Variants in FOXP4 observed in about 807,000 individuals in gnomAD.
FOXP4 encodes forkhead box P4.
FOXP4 carries 25 observed loss-of-function variants against 82.6 expected under a neutral mutation model. That is an observed-to-expected ratio of 0.30 (90% CI 0.22 to 0.42). The LOEUF (loss-of-function observed/expected upper bound fraction) is 0.42. Among genes scored for constraint, FOXP4 ranks in the 10% least tolerant of loss-of-function variants. The pLI is 1.00. For missense variants in FOXP4, 785 were observed against 900.9 expected (o/e 0.87, Z 1.65); for synonymous variants, 415 against 388.2 (o/e 1.07, Z -0.81).
At chr6:41,565,648 A>G in intron 1 of FOXP4, 97 bp from the exon 2 acceptor site, 1 of 1,115,570 alleles carries the variant, frequency 9.0e-7, no homozygotes. Context: ...ATGCCCAGCT[A>G]CTCCTGTGGC....
In FOXP4 at chr6:41,598,888, G is replaced by C. The variant is rs376696278; in HGVS notation, c.1995G>C (p.Pro665=). The stretch of plus-strand genomic sequence containing the variant: ...CTAACCCCAGCGCCTCGGGGCCTCC[G>C]GAAGACAGGGACCTGGAGGAGGAGC... ...GAPNPSASGP[P]EDRDLEEELP... Residue 665 remains proline (P), a synonymous_variant, in exon 17 of 17, where the codon CCG becomes CCC. Coordinates refer to ENST00000307972, the MANE Select transcript of FOXP4 (RefSeq NM_001012426.2). The C allele has an allele frequency of 3.7e-6, 6 of 1,606,150 alleles. No individual in the cohort carries two copies. In the South Asian group the frequency reaches 6.7e-5, roughly 18 times the overall value.
At chr6:41,588,500 C>G in intron 8 of FOXP4, 144 bp from the exon 9 acceptor site, 1 of 775,502 alleles carries the variant, frequency 1.3e-6, no homozygotes, top group Non-Finnish European at 2.2e-6. Flanking sequence ...CTCCATTGCC[C>G]CGTTTTTCCA....
intron 7 of FOXP4, 55 bp downstream of exon 7, chr6:41,587,567 GC>G: frequency 1.4e-6 from 2 of 1,390,430 alleles, no homozygotes; most frequent in Non-Finnish European, 2.0e-6. Flanking sequence ...GGTAGACCTG[GC>G]CCCCCACCCA....
At chr6:41,548,007 C>T (rs1403450386) in intron 1 of FOXP4, among the ~76,000 whole-genome samples, 1 of 152,234 alleles carries the variant, frequency 6.6e-6, no homozygotes, top group Non-Finnish European at 1.5e-5. Flanking sequence ...CAGACGGCGG[C>T]GGATTCCCTG....
At chr6:41,550,805 T>G (rs1490764129) in intron 1 of FOXP4, among the ~76,000 whole-genome samples, 5 of 152,168 alleles carry the variant, frequency 3.3e-5, no homozygotes, top group African/African-American at 1.2e-4. Flanking sequence ...CACACATAAA[T>G]GGGAGAGAGA....
At chr6:41,557,691 T>C (rs2127325634) in intron 1 of FOXP4, among the ~76,000 whole-genome samples, 1 of 152,358 alleles carries the variant, frequency 6.6e-6, no homozygotes, top group African/African-American at 2.4e-5. Flanking sequence ...TAAATGTTTA[T>C]ATGCCAAAAG....
At chr6:41,589,744 C>T (rs1408767189) in intron 9 of FOXP4, 27 bp from the exon 10 acceptor site, 2 of 1,606,620 alleles carry the variant, frequency 1.2e-6, no homozygotes, top group Admixed American at 1.7e-5. Flanking sequence ...GCCTCCCGCT[C>T]ACCTCCTGCT....
In FOXP4 at chr6:41,589,975, C is replaced by A; in HGVS notation, c.1162C>A (p.Pro388Thr). The A allele has an allele frequency of 6.2e-7, 1 of 1,613,936 alleles. No individual in the cohort carries two copies. The highest frequency in any genetic ancestry group is 1.1e-5 in the South Asian group (1 of 91,080). Residue 388 changes from proline (P) to threonine (T), a missense_variant, in exon 11 of 17, where the codon CCC (proline) becomes ACC (threonine). Pro to Thr is a conservative substitution (Grantham distance 38). Transcript: ENST00000307972. Reference sequence around the variant, plus strand: ...CCGTTGCTCACAGCTGAACCCGGTCCCCGGCTCCTCCTCATTCTCCAAGGT... The same window carrying A: ...CCGTTGCTCACAGCTGAACCCGGTCACCGGCTCCTCCTCATTCTCCAAGGT... ...KPFSQPLNPV[P>T]GSSSFSKVTV...
intron 2 of FOXP4, among the ~76,000 whole-genome samples, chr6:41,568,219 A>G (rs534516810): frequency 6.6e-6 from 1 of 152,332 alleles, no homozygotes; most frequent in African/African-American, 2.4e-5. Context: ...TCAACCTGAA[A>G]GGACTTAGAG....
At chr6:41,572,904 C>G (rs1272040973) in intron 2 of FOXP4, among the ~76,000 whole-genome samples, 1 of 152,178 alleles carries the variant, frequency 6.6e-6, no homozygotes, top group East Asian at 1.9e-4. Flanking sequence ...CTCTGGATCT[C>G]TGTTTCTCCA....
rs913077 is a variant in FOXP4, at chr6:41,601,419, G to A, written c.*2483G>A. ...CCCTCCTCAACACAGAGCCCCTCCCGCCGCCTCAGACCCCTGTGCACATCC... is the reference window on the plus strand; with the variant it reads ...CCCTCCTCAACACAGAGCCCCTCCCACCGCCTCAGACCCCTGTGCACATCC... On this transcript the variant is annotated 3_prime_UTR_variant, in exon 17 of 17. Transcript: ENST00000307972. The A allele has an allele frequency of 0.4, 60,876 of 151,974 alleles. 12,754 individuals are homozygous for A. The highest frequency in any genetic ancestry group is 0.52 in the African/African-American group (21,405 of 41,386). The allele number at this position is 151,974 out of a possible 1,614,324, so 9.4% of individuals were successfully genotyped here.
At chr6:41,572,308 C>T (rs1581737741) in intron 2 of FOXP4, among the ~76,000 whole-genome samples, 1 of 151,834 alleles carries the variant, frequency 6.6e-6, no homozygotes, top group East Asian at 1.9e-4. Flanking sequence ...CACCCTAGAG[C>T]CAGCCAGCCA....
chr6:41,586,958 C>T (rs377528266), intron 5 of FOXP4, 51 bp from the exon 6 acceptor site: 137 of 1,532,888 alleles, frequency 8.9e-5, no homozygotes, highest in Non-Finnish European at 1.1e-4. Context: ...AGATGGCATG[C>T]CTGAAGCTGA....
At chr6:41,552,174 A>G (rs1349098468) in intron 1 of FOXP4, among the ~76,000 whole-genome samples, 6 of 152,110 alleles carry the variant, frequency 3.9e-5, no homozygotes, top group African/African-American at 1.2e-4. Context: ...GAACATTTCT[A>G]TGGAGACCCA....
intron 1 of FOXP4, among the ~76,000 whole-genome samples, chr6:41,547,206 C>T (rs1340720880): frequency 1.3e-5 from 2 of 151,940 alleles, no homozygotes; most frequent in Middle Eastern, 3.4e-3. Context: ...GGGGGGCGGC[C>T]GGAGAGGCCA....
At chr6:41,565,216 T>C (rs940525865) in intron 1 of FOXP4, among the ~76,000 whole-genome samples, 2 of 151,982 alleles carry the variant, frequency 1.3e-5, no homozygotes, top group Non-Finnish European at 2.9e-5. Flanking sequence ...AAAATTTAGC[T>C]GGTCGTGGTG....
chr6:41,597,286 C>T, intron 15 of FOXP4, 44 bp downstream of exon 15: 4 of 1,600,344 alleles, frequency 2.5e-6, no homozygotes, highest in East Asian at 2.2e-5. Context: ...CCTCCCGCCC[C>T]CTTGCTTTCT....
intron 1 of FOXP4, chr6:41,547,589 C>G (rs756012193): frequency 6.6e-6 from 1 of 152,456 alleles, no homozygotes; most frequent in Non-Finnish European, 1.5e-5. Flanking sequence ...TTCTTGGGGA[C>G]TTGAGAGCGT....
intron 1 of FOXP4, among the ~76,000 whole-genome samples, chr6:41,549,059 C>T (rs995550542): frequency 6.6e-6 from 1 of 152,000 alleles, no homozygotes; most frequent in African/African-American, 2.4e-5. Context: ...TTGTGGTTGC[C>T]CCCTCTCAGC....
Sources: gnomAD v4.1 joint callset for allele counts (sites outside exome capture counted in the v4.1 genomes callset) on GRCh38, gnomAD v4.1.1 for gene constraint, MANE v1.5 for transcripts, NCBI Gene and HGNC (gene_info 2026-07-23, HGNC 2026-07-21) for gene names.